Variants in DNER observed in about 807,000 individuals in gnomAD.
DNER encodes the protein delta/notch like EGF repeat containing.
Under a neutral mutation model 78.2 loss-of-function variants are expected in DNER, and 33 were observed. The observed-to-expected ratio is 0.42, with a 90% CI of 0.32 to 0.56. DNER has a LOEUF of 0.56. Among genes scored for constraint, DNER ranks in the 20% least tolerant of loss-of-function variants. DNER has a pLI of 0.11. For synonymous variants in DNER, 417 were observed against 384.8 expected (o/e 1.08, Z -0.98); for missense variants, 918 against 975.3 (o/e 0.94, Z 0.78).
chr2:229,569,675 A>G (rs1304093406), intron 4 of DNER, among the ~76,000 whole-genome samples: 2 of 152,194 alleles, frequency 1.3e-5, no homozygotes, highest in African/African-American at 2.4e-5. Flanking sequence ...TATGTAAATT[A>G]TTATTACACT....
chr2:229,694,714 G>A (rs985307324), intron 1 of DNER, among the ~76,000 whole-genome samples: 1 of 152,210 alleles, frequency 6.6e-6, no homozygotes, highest in Non-Finnish European at 1.5e-5. Context: ...CCCAATGCCT[G>A]TACCCCCATT....
chr2:229,705,351 G>A (rs761293158), intron 1 of DNER, among the ~76,000 whole-genome samples: 3 of 152,192 alleles, frequency 2.0e-5, no homozygotes, highest in Non-Finnish European at 2.9e-5. Flanking sequence ...TAGCAGACAC[G>A]TTTCTATTTC....
chr2:229,429,547 C>T (rs1383480252), intron 8 of DNER, among the ~76,000 whole-genome samples: 3 of 152,164 alleles, frequency 2.0e-5, no homozygotes, highest in Non-Finnish European at 4.4e-5. Context: ...GTGAGGCAAA[C>T]GTGATTTTAA....
chr2:229,482,925 G>A (rs1027644928), intron 6 of DNER, among the ~76,000 whole-genome samples: 1 of 152,032 alleles, frequency 6.6e-6, no homozygotes, highest in Non-Finnish European at 1.5e-5. Context: ...GTCTTAAGAG[G>A]GCTACAAAGA....
chr2:229,534,087 G>A (rs1006977730), intron 5 of DNER, among the ~76,000 whole-genome samples: 6 of 152,190 alleles, frequency 3.9e-5, no homozygotes, highest in South Asian at 2.1e-4. Flanking sequence ...ATTATAGATC[G>A]TAATAGATGG....
chr2:229,521,985 T>C (rs1696108133), intron 5 of DNER, among the ~76,000 whole-genome samples: 1 of 152,194 alleles, frequency 6.6e-6, no homozygotes, highest in South Asian at 2.1e-4. Flanking sequence ...ATCATTCTTT[T>C]ATTCGGGTTC....
intron 12 of DNER, among the ~76,000 whole-genome samples, chr2:229,362,780 A>G (rs1278976482): frequency 6.6e-6 from 1 of 152,200 alleles, no homozygotes; most frequent in African/African-American, 2.4e-5. Flanking sequence ...GTTAGCACGG[A>G]CATCTCAAAC....
chr2:229,531,905 G>T (rs992947796), intron 5 of DNER, among the ~76,000 whole-genome samples: 2 of 152,110 alleles, frequency 1.3e-5, no homozygotes, highest in African/African-American at 4.8e-5. Flanking sequence ...AGACACAAAA[G>T]GTCCATTCAA....
chr2:229,511,430 T>C (rs1695862740), intron 6 of DNER, among the ~76,000 whole-genome samples: 2 of 152,318 alleles, frequency 1.3e-5, no homozygotes, highest in South Asian at 4.1e-4. Context: ...AAGATGATTG[T>C]CAGAGCATGA....
intron 4 of DNER, among the ~76,000 whole-genome samples, chr2:229,577,498 G>A (rs576963197): frequency 6.6e-6 from 1 of 152,220 alleles, no homozygotes; most frequent in South Asian, 2.1e-4. Context: ...AGCTGGGCGT[G>A]GTGGTGGGAG....
chr2:229,453,260 A>G (rs943757194), intron 7 of DNER, among the ~76,000 whole-genome samples: 1 of 152,236 alleles, frequency 6.6e-6, no homozygotes, highest in African/African-American at 2.4e-5. Flanking sequence ...CAATAATTAT[A>G]ATGTAATTTC....
At chr2:229,449,055 C>T (rs1694398288) in intron 7 of DNER, among the ~76,000 whole-genome samples, 1 of 152,130 alleles carries the variant, frequency 6.6e-6, no homozygotes, top group Non-Finnish European at 1.5e-5. Flanking sequence ...ATAAAATTAT[C>T]CTCCAAAAAA....
chr2:229,521,555 G>T (rs1198082519), intron 5 of DNER, among the ~76,000 whole-genome samples: 1 of 152,186 alleles, frequency 6.6e-6, no homozygotes. Flanking sequence ...GACACATTTT[G>T]ATTTGATTAA....
At chr2:229,644,648 G>T (rs1161251801) in intron 1 of DNER, among the ~76,000 whole-genome samples, 1 of 151,990 alleles carries the variant, frequency 6.6e-6, no homozygotes, top group Non-Finnish European at 1.5e-5. Flanking sequence ...TTTCAGTATT[G>T]TGTTAAGTAT....
At chr2:229,392,335 CAAG>C (rs1693034446) in intron 10 of DNER, among the ~76,000 whole-genome samples, 1 of 151,174 alleles carries the variant, frequency 6.6e-6, no homozygotes. Flanking sequence ...GTGATTGCTG[CAAG>C]AAGGGAAATA....
chr2:229,501,657 T>C (rs914016385), intron 6 of DNER, among the ~76,000 whole-genome samples: 1 of 152,196 alleles, frequency 6.6e-6, no homozygotes, highest in African/African-American at 2.4e-5. Context: ...TTTGAATTAA[T>C]TCATTCATCA....
intron 4 of DNER, among the ~76,000 whole-genome samples, chr2:229,563,266 T>C (rs1696999795): frequency 7.3e-6 from 1 of 137,458 alleles, no homozygotes; most frequent in African/African-American, 2.8e-5. Flanking sequence ...ATCAACATCA[T>C]CACACCATCA....
intron 1 of DNER, among the ~76,000 whole-genome samples, chr2:229,656,477 ACTAAGCGTGGG>A (rs1257499348): frequency 6.6e-6 from 1 of 152,168 alleles, no homozygotes; most frequent in Non-Finnish European, 1.5e-5. Flanking sequence ...ATTCCCTACC[ACTAAGCGTGGG>A]CTGAGCTCCA....
intron 8 of DNER, among the ~76,000 whole-genome samples, chr2:229,436,489 T>C (rs1694121674): frequency 6.6e-6 from 1 of 152,174 alleles, no homozygotes. Flanking sequence ...ATGCCCAAGA[T>C]AGTCATCAGA....
Sources: allele counts gnomAD v4.1 joint callset (sites outside exome capture counted in the v4.1 genomes callset), GRCh38; gene constraint gnomAD v4.1.1; transcripts MANE v1.5; gene names NCBI Gene and HGNC (gene_info 2026-07-23, HGNC 2026-07-21).